Variants in SYBU observed in about 807,000 individuals in gnomAD.
The protein encoded by SYBU is syntabulin.
SYBU carries 21 observed loss-of-function variants against 35.9 expected under a neutral mutation model. The observed-to-expected ratio is 0.58, with a 90% CI of 0.41 to 0.84. The LOEUF is 0.84. Among genes scored for constraint, SYBU ranks in the 40% least tolerant of loss-of-function variants. SYBU has a pLI of 0.00. For synonymous variants in SYBU, 319 were observed against 324.3 expected, an observed-to-expected ratio of 0.98 and a Z score of 0.18; for missense variants, 768 against 848.2, an observed-to-expected ratio of 0.91 and a Z score of 1.17.
At chr8:109,668,177 A>AGAGAGAGGGGGAGAGAGAGAAAGTG (rs1563773433) in intron 1 of SYBU, among the ~76,000 whole-genome samples, 1 of 143,258 alleles carries the variant, frequency 7.0e-6, no homozygotes, top group African/African-American at 2.7e-5. Flanking sequence ...AGAGAGAGAG[A>AGAGAGAGGGGGAGAGAGAGAAAGTG]GAGAGAGAGA....
chr8:109,665,718 T>A (rs1008317115), intron 1 of SYBU, among the ~76,000 whole-genome samples: 1 of 152,210 alleles, frequency 6.6e-6, no homozygotes, highest in African/African-American at 2.4e-5. Context: ...CTGGTAACCA[T>A]GTACATATTC....
At chr8:109,635,926 A>G (rs1370339743) in intron 2 of SYBU, among the ~76,000 whole-genome samples, 1 of 152,250 alleles carries the variant, frequency 6.6e-6, no homozygotes, top group Non-Finnish European at 1.5e-5. Context: ...TCACCTATGT[A>G]CACATGCTAT....
intron 1 of SYBU, among the ~76,000 whole-genome samples, chr8:109,667,577 T>C (rs1816803456): frequency 1.3e-5 from 2 of 152,156 alleles, no homozygotes; most frequent in African/African-American, 4.8e-5. Context: ...CATAAAATAC[T>C]GTGCATAAAT....
chr8:109,686,023 T>C (rs1817511652), intron 1 of SYBU, among the ~76,000 whole-genome samples: 1 of 152,180 alleles, frequency 6.6e-6, no homozygotes, highest in Admixed American at 6.5e-5. Context: ...AGCACATCAC[T>C]CAAATATACA....
chr8:109,598,560 G>A (rs2844237), intron 3 of SYBU, among the ~76,000 whole-genome samples: 152,341 of 152,376 alleles, frequency 1, 76,153 homozygotes, highest in Middle Eastern at 1. Context: ...ATGAACTACT[G>A]TAAGTGCACA....
chr8:109,627,394 A>G (rs928130541), intron 2 of SYBU, among the ~76,000 whole-genome samples: 8 of 152,236 alleles, frequency 5.3e-5, no homozygotes, highest in African/African-American at 7.2e-5. Context: ...TAAACTCATG[A>G]TAAATATAAA....
At chr8:109,688,954 A>G (rs2130792886) in intron 1 of SYBU, among the ~76,000 whole-genome samples, 1 of 152,288 alleles carries the variant, frequency 6.6e-6, no homozygotes, top group South Asian at 2.1e-4. Context: ...TTACATCTTA[A>G]CGGTGTGTAT....
At chr8:109,668,165 GGAGA>G (rs60330422) in intron 1 of SYBU, among the ~76,000 whole-genome samples, 77 of 89,042 alleles carry the variant, frequency 8.6e-4, no homozygotes, top group South Asian at 3.5e-3. Context: ...GGGGAGAGGG[GGAGA>G]GAGAGAGAGA....
chr8:109,611,751 C>T (rs2022931), intron 3 of SYBU, among the ~76,000 whole-genome samples: 1 of 151,708 alleles, frequency 6.6e-6, no homozygotes, highest in Non-Finnish European at 1.5e-5. Flanking sequence ...AAAACACTGA[C>T]GACCTTAACA....
chr8:109,689,168 C>T (rs1292235808), intron 1 of SYBU, among the ~76,000 whole-genome samples: 1 of 152,082 alleles, frequency 6.6e-6, no homozygotes. Flanking sequence ...ATTATAGACT[C>T]ACAGGAAGTT....
At chr8:109,684,265 T>G (rs1817468961), upstream of SYBU, among the ~76,000 whole-genome samples, 1 of 152,198 alleles carries the variant, frequency 6.6e-6, no homozygotes, top group Non-Finnish European at 1.5e-5. Context: ...ATGATAAGAA[T>G]TTTATGTGAT....
chr8:109,642,966 G>A (rs756290456), intron 1 of SYBU, 34 bp from the exon 2 acceptor site: 55 of 1,451,446 alleles, frequency 3.8e-5, no homozygotes, highest in Non-Finnish European at 4.9e-5. Context: ...AAAACAAAAG[G>A]AAACGCGTTT....
intron 3 of SYBU, among the ~76,000 whole-genome samples, chr8:109,598,853 A>T (rs1018755348): frequency 3.9e-5 from 6 of 152,224 alleles, no homozygotes; most frequent in African/African-American, 1.4e-4. Context: ...TCTTCATATC[A>T]AGCATATGAA....
chr8:109,685,676 A>G (rs1301977546), upstream of SYBU, among the ~76,000 whole-genome samples: 2 of 152,228 alleles, frequency 1.3e-5, no homozygotes, highest in Non-Finnish European at 2.9e-5. Context: ...AATTATATGC[A>G]TTAAGTATTT....
At chr8:109,665,868 T>C (rs1388618707) in intron 1 of SYBU, among the ~76,000 whole-genome samples, 2 of 152,218 alleles carry the variant, frequency 1.3e-5, no homozygotes, top group African/African-American at 4.8e-5. Flanking sequence ...ATACCAATAC[T>C]TACCAAATGC....
At chr8:109,670,924 C>T (rs1044479140) in intron 1 of SYBU, among the ~76,000 whole-genome samples, 1 of 151,988 alleles carries the variant, frequency 6.6e-6, no homozygotes. Flanking sequence ...AGAGACTTTG[C>T]TTTATGTGGA....
chr8:109,592,785 A>C (rs1824430843), intron 3 of SYBU, among the ~76,000 whole-genome samples: 1 of 152,198 alleles, frequency 6.6e-6, no homozygotes, highest in Non-Finnish European at 1.5e-5. Context: ...AGTTTTTTTT[A>C]ACTTATCTAA....
At chr8:109,644,424 C>T (rs940334444) in intron 1 of SYBU, among the ~76,000 whole-genome samples, 3 of 152,150 alleles carry the variant, frequency 2.0e-5, no homozygotes, top group Non-Finnish European at 4.4e-5. Context: ...TCATGTCATT[C>T]TCCAAAATCT....
At chr8:109,650,990 T>C (rs1816110242) in intron 1 of SYBU, among the ~76,000 whole-genome samples, 1 of 152,220 alleles carries the variant, frequency 6.6e-6, no homozygotes, top group South Asian at 2.1e-4. Context: ...AAAATAAGAA[T>C]GAAATTCTAA....
Sources: gnomAD v4.1 joint callset for allele counts (sites outside exome capture counted in the v4.1 genomes callset) on GRCh38, gnomAD v4.1.1 for gene constraint, MANE v1.5 for transcripts, NCBI Gene and HGNC (gene_info 2026-07-23, HGNC 2026-07-21) for gene names.